Variants in ALB observed in about 807,000 individuals in gnomAD.
ALB encodes albumin.
ALB carries 37 observed loss-of-function variants against 74.5 expected under a neutral mutation model. The ratio of observed to expected loss-of-function variants is 0.50; its 90% confidence interval spans 0.38 to 0.65. The LOEUF (loss-of-function observed/expected upper bound fraction) is 0.65. ALB is among the 30% of genes least tolerant of loss of function. The probability of loss-of-function intolerance (pLI) is 0.00; values close to 1 mark genes in which losing one functional copy is unlikely to be tolerated. For missense variants in ALB, 685 were observed against 718.7 expected, an observed-to-expected ratio of 0.95 and a Z score of 0.54; for synonymous variants, 249 against 251.6, an observed-to-expected ratio of 0.99 and a Z score of 0.10.
chr4:73,410,180 G>A (rs578234675), intron 5 of ALB, 132 bp from the exon 6 acceptor site: 7 of 714,946 alleles, frequency 9.8e-6, no homozygotes, highest in African/African-American at 8.8e-5. Flanking sequence ...ATTCGCTAAA[G>A]GGAGTACTTG....
In ALB at chr4:73,418,331, T is replaced by C. The variant is rs917130559; in HGVS notation, c.1652+20T>C. On this transcript the variant is annotated intron_variant, in intron 12 of 14. Transcript: ENST00000295897. Reference sequence around the variant, plus strand: ...ACAAACGTGAGGAGTATTTCATTACTGCATGTGTTTGTAGTCTTGATAGCA... The same window carrying C: ...ACAAACGTGAGGAGTATTTCATTACCGCATGTGTTTGTAGTCTTGATAGCA... 7 of 1,595,426 alleles carry C rather than the reference T, an allele frequency of 4.4e-6. No individual in the cohort carries two copies. The highest frequency in any genetic ancestry group is 6.0e-6 in the Non-Finnish European group (7 of 1,165,868).
intron 2 of ALB, among the ~76,000 whole-genome samples, chr4:73,405,543 TA>T (rs1718698496): frequency 1.3e-5 from 2 of 152,178 alleles, no homozygotes; most frequent in African/African-American, 4.8e-5. Flanking sequence ...GCTTACCCAC[TA>T]AATCTTCTTT....
intron 9 of ALB, 150 bp downstream of exon 9, chr4:73,415,317 A>G: frequency 1.0e-6 from 1 of 953,352 alleles, no homozygotes; most frequent in Non-Finnish European, 1.6e-6. Context: ...AACATGAAAG[A>G]AAAAGTAGCC....
rs764474612 is a variant in ALB at position 73,404,369 on chromosome 4, C to G, written c.42C>G (p.Ser14Arg). Residue 14 changes from serine (S) to arginine (R), a missense_variant, in exon 1 of 15, where the codon AGC (serine) becomes AGG (arginine). Transcript: ENST00000295897. ...VTFISLLFLF[S>R]SAYSRGVFRR... ...TTATTTCCCTTCTTTTTCTCTTTAG[C>G]TCGGCTTATTCCAGGGGTGTGTTTC... is the stretch of plus-strand genomic sequence containing the variant. The G allele has an allele frequency of 6.2e-7, 1 of 1,613,716 alleles. No homozygotes were observed. The highest frequency in any genetic ancestry group is 8.5e-7 in the Non-Finnish European group (1 of 1,179,832).
chr4:73,405,089 A>C (rs1718684922), intron 1 of ALB, 27 bp from the exon 2 acceptor site: 4 of 1,604,690 alleles, frequency 2.5e-6, no homozygotes, highest in Non-Finnish European at 3.4e-6. Flanking sequence ...AGTATTTAAC[A>C]ATCCTTTTTT....
intron 8 of ALB, among the ~76,000 whole-genome samples, chr4:73,413,938 G>A (rs16849341): frequency 0.52 from 79,666 of 152,032 alleles, 21,263 homozygotes; most frequent in Non-Finnish European, 0.58. Context: ...CATTCCAAGT[G>A]TATTTCTTGA....
Position 73,416,399 on chromosome 4 carries a change from T to C in ALB, c.1289+46T>C, listed in dbSNP as rs764396495. 4.9e-6 allele frequency: 7 copies of C among 1,433,970 alleles called. No homozygotes were observed. In the African/African-American group the frequency reaches 7.1e-5, roughly 14 times the overall value. 88.8% of individuals were successfully genotyped at this position (1,433,970 alleles called of 1,614,324 possible). ...GATTTTTTTTATCAATTTGTAATTA[T>C]TTAAGACTTAATATATGAGCCACCT... is the stretch of plus-strand genomic sequence containing the variant. On this transcript the variant is annotated intron_variant, in intron 10 of 14. Coordinates refer to ENST00000295897, the MANE Select transcript of ALB (RefSeq NM_000477.7).
At chr4:73,415,563 G>T (rs907393689) in intron 9 of ALB, among the ~76,000 whole-genome samples, 1 of 152,110 alleles carries the variant, frequency 6.6e-6, no homozygotes, top group Admixed American at 6.5e-5. Context: ...TATCCCTTTA[G>T]AATATTTTCA....
intron 3 of ALB, 141 bp downstream of exon 3, chr4:73,406,902 A>T: frequency 1.1e-6 from 1 of 930,096 alleles, no homozygotes; most frequent in Non-Finnish European, 1.6e-6. Flanking sequence ...TCATAGACTG[A>T]TAAGCCATTG....
chr4:73,416,446 A>G, intron 10 of ALB, 93 bp downstream of exon 10: 1 of 882,030 alleles, frequency 1.1e-6, no homozygotes, highest in Admixed American at 2.0e-5. Flanking sequence ...TTTAAGAATG[A>G]AAATACATTG....
At position 73,416,099 on chromosome 4, in the gene ALB, G is replaced by C. The variant is rs193082037; in HGVS notation, c.1192-157G>C. Among the ~76,000 whole-genome samples, 8 of 152,252 alleles carry C rather than the reference G, an allele frequency of 5.3e-5. No individual in the cohort carries two copies. The East Asian group carries it at 1.3e-3, about 26-fold the overall frequency. On this transcript the variant is annotated intron_variant, in intron 9 of 14. Coordinates refer to ENST00000295897, the MANE Select transcript of ALB (RefSeq NM_000477.7). ...ATGATGCAAGCTCACCAAATAAATA[G>C]TTCGAATGTATTGTGACAGAGCGGC...
chr4:73,408,905 T>A (rs1380028975), intron 4 of ALB, 100 bp downstream of exon 4: 1 of 1,079,756 alleles, frequency 9.3e-7, no homozygotes, highest in African/African-American at 1.6e-5. Flanking sequence ...ATTTTCAACA[T>A]TAAGACTTGG....
chr4:73,415,870 G>T (rs1188144468), intron 9 of ALB, among the ~76,000 whole-genome samples: 1 of 152,144 alleles, frequency 6.6e-6, no homozygotes, highest in African/African-American at 2.4e-5. Flanking sequence ...TTTATTATAT[G>T]CAAGGCACTG....
chr4:73,405,058 T>G, intron 1 of ALB, 58 bp from the exon 2 acceptor site: 1 of 1,460,720 alleles, frequency 6.8e-7, no homozygotes, highest in Non-Finnish European at 9.6e-7. Context: ...AAAAGTAACA[T>G]TATTACTTCT....
intron 7 of ALB, among the ~76,000 whole-genome samples, chr4:73,412,448 T>G (rs1417463508): frequency 6.6e-6 from 1 of 152,196 alleles, no homozygotes; most frequent in Non-Finnish European, 1.5e-5. Flanking sequence ...TAAGAAGATT[T>G]TTTTTTCTTT....
At chr4:73,414,989 G>C in intron 8 of ALB, 46 bp from the exon 9 acceptor site, 2 of 1,602,692 alleles carry the variant, frequency 1.2e-6, no homozygotes, top group Non-Finnish European at 1.7e-6. Context: ...GATATTTTTT[G>C]TGCTCATTTG....
chr4:73,419,806 T>C lies in ALB; in HGVS notation c.1785+167T>C, dbSNP rs367731677. On this transcript the variant is annotated intron_variant, in intron 13 of 14. Transcript: ENST00000295897. ...AATGAATAAAACAGCACTTTGTTTTTATCTCCTGCTCTATTGTGCCATACT... is the reference window on the plus strand; with the variant it reads ...AATGAATAAAACAGCACTTTGTTTTCATCTCCTGCTCTATTGTGCCATACT... Among the ~76,000 whole-genome samples the C allele has an allele frequency of 3.4e-4, 52 of 152,352 alleles. 1 individual carries two copies. The South Asian group carries it at 8.1e-3, about 24-fold the overall frequency.
intron 10 of ALB, 48 bp from the exon 11 acceptor site, chr4:73,417,483 T>A (rs1251193516): frequency 6.2e-7 from 1 of 1,609,432 alleles, no homozygotes; most frequent in Admixed American, 1.7e-5. Flanking sequence ...ATCTACTATG[T>A]TAGACAGTTT....
At chr4:73,405,254 C>A in intron 2 of ALB, 81 bp downstream of exon 2, 2 of 1,217,582 alleles carry the variant, frequency 1.6e-6, no homozygotes, top group South Asian at 1.2e-5. Context: ...ATTTCCTTGT[C>A]ATCAGGGTTC....
Sources: allele counts gnomAD v4.1 joint callset (sites outside exome capture counted in the v4.1 genomes callset), GRCh38; gene constraint gnomAD v4.1.1; transcripts MANE v1.5; gene names NCBI Gene and HGNC (gene_info 2026-07-23, HGNC 2026-07-21).